SPOCK1: variants seen among roughly 807,000 people sequenced by gnomAD.
The protein encoded by SPOCK1 is testican-1.
Under a neutral mutation model 55.3 loss-of-function variants are expected in SPOCK1, and 23 were observed. That is an observed-to-expected ratio of 0.42 (90% CI 0.30 to 0.59). The LOEUF (loss-of-function observed/expected upper bound fraction) is 0.59, where lower values mean the gene tolerates loss of function less well. Among genes scored for constraint, SPOCK1 ranks in the 20% least tolerant of loss-of-function variants. SPOCK1 has a pLI of 0.22. For missense variants in SPOCK1, 499 were observed against 552.5 expected (o/e 0.90, Z 0.97); for synonymous variants, 226 against 221.0 (o/e 1.02, Z -0.20).
intron 4 of SPOCK1, among the ~76,000 whole-genome samples, chr5:137,136,287 T>C (rs1753984737): frequency 1.3e-5 from 2 of 152,158 alleles, no homozygotes; most frequent in African/African-American, 4.8e-5. Context: ...TAGTATGTTA[T>C]ATAATGATTA....
chr5:137,000,378 G>A (rs1751126407), intron 6 of SPOCK1, among the ~76,000 whole-genome samples: 1 of 152,176 alleles, frequency 6.6e-6, no homozygotes, highest in Non-Finnish European at 1.5e-5. Context: ...GCAAACACAA[G>A]GGTGCCTTCC....
At chr5:137,369,801 G>A (rs1228925615) in intron 2 of SPOCK1, among the ~76,000 whole-genome samples, 1 of 152,150 alleles carries the variant, frequency 6.6e-6, no homozygotes, top group Non-Finnish European at 1.5e-5. Flanking sequence ...GAGGAAGCAA[G>A]GTCTCTGATG....
intron 6 of SPOCK1, among the ~76,000 whole-genome samples, chr5:137,064,906 C>T (rs1042000384): frequency 6.6e-6 from 1 of 152,146 alleles, no homozygotes; most frequent in South Asian, 2.1e-4. Context: ...GTGTTCTTAT[C>T]CTGTAGGAAA....
intron 2 of SPOCK1, among the ~76,000 whole-genome samples, chr5:137,406,992 T>G (rs12153707): frequency 0.022 from 3,389 of 152,268 alleles, 65 homozygotes; most frequent in Non-Finnish European, 0.033. Flanking sequence ...GGCCAAAAAG[T>G]AAGTGAGTGG....
intron 3 of SPOCK1, among the ~76,000 whole-genome samples, chr5:137,246,881 C>T (rs1164492784): frequency 6.6e-6 from 1 of 152,222 alleles, no homozygotes; most frequent in Non-Finnish European, 1.5e-5. Context: ...GCTTCTGCTA[C>T]ACTGGTTCTT....
At chr5:137,232,532 G>A (rs568215405) in intron 3 of SPOCK1, among the ~76,000 whole-genome samples, 19 of 152,248 alleles carry the variant, frequency 1.2e-4, no homozygotes, top group Admixed American at 5.2e-4. Flanking sequence ...TCTGTTTCAC[G>A]GATCCATGTG....
At chr5:137,097,676 T>C (rs1753179452) in intron 5 of SPOCK1, among the ~76,000 whole-genome samples, 1 of 152,232 alleles carries the variant, frequency 6.6e-6, no homozygotes, top group East Asian at 1.9e-4. Context: ...TCACAGTCTA[T>C]GTAAGAGTCT....
chr5:137,327,849 G>A (rs183979953), intron 2 of SPOCK1, among the ~76,000 whole-genome samples: 1 of 152,172 alleles, frequency 6.6e-6, no homozygotes, highest in South Asian at 2.1e-4. Context: ...GTTCTAGAGT[G>A]GGCCTTCCTA....
chr5:137,366,422 A>C (rs1053404690), intron 2 of SPOCK1, among the ~76,000 whole-genome samples: 1 of 152,196 alleles, frequency 6.6e-6, no homozygotes, highest in Non-Finnish European at 1.5e-5. Context: ...AAACCCTAGG[A>C]GGCAAGTGTT....
At chr5:137,112,034 T>C (rs921290182) in intron 5 of SPOCK1, among the ~76,000 whole-genome samples, 2 of 152,134 alleles carry the variant, frequency 1.3e-5, no homozygotes, top group African/African-American at 4.8e-5. Context: ...TGCACTGATG[T>C]CACACCCCTT....
At chr5:137,361,367 C>G (rs1750939203) in intron 2 of SPOCK1, among the ~76,000 whole-genome samples, 1 of 152,166 alleles carries the variant, frequency 6.6e-6, no homozygotes, top group African/African-American at 2.4e-5. Context: ...GAGATAAGGT[C>G]TAATTTACTC....
chr5:137,442,577 C>G (rs879524343), intron 2 of SPOCK1, among the ~76,000 whole-genome samples: 1 of 152,108 alleles, frequency 6.6e-6, no homozygotes, highest in Non-Finnish European at 1.5e-5. Context: ...CCATAAATGT[C>G]AGATTCAGGT....
chr5:137,094,889 C>T (rs1007564667), intron 5 of SPOCK1, among the ~76,000 whole-genome samples: 1 of 152,228 alleles, frequency 6.6e-6, no homozygotes, highest in African/African-American at 2.4e-5. Flanking sequence ...TTTCAATATG[C>T]CTTTGTCGCT....
chr5:137,225,755 G>T (rs1755933458), intron 3 of SPOCK1, among the ~76,000 whole-genome samples: 1 of 152,204 alleles, frequency 6.6e-6, no homozygotes, highest in Non-Finnish European at 1.5e-5. Flanking sequence ...TGCAAAATTT[G>T]CATGTCTAAT....
chr5:137,382,030 A>C (rs867287466), intron 2 of SPOCK1, among the ~76,000 whole-genome samples: 2 of 152,238 alleles, frequency 1.3e-5, no homozygotes, highest in African/African-American at 4.8e-5. Context: ...ATACATTTAG[A>C]AACAACCAGG....
chr5:137,015,065 A>C (rs1751425440), intron 6 of SPOCK1, among the ~76,000 whole-genome samples: 1 of 152,192 alleles, frequency 6.6e-6, no homozygotes, highest in South Asian at 2.1e-4. Context: ...TTTTGCCAAG[A>C]GGTGGCTTAA....
At chr5:137,481,926 T>A (rs1561547097) in intron 2 of SPOCK1, among the ~76,000 whole-genome samples, 1 of 151,862 alleles carries the variant, frequency 6.6e-6, no homozygotes, top group East Asian at 1.9e-4. Flanking sequence ...TGCTCAGGAG[T>A]TACATTGGCA....
intron 3 of SPOCK1, among the ~76,000 whole-genome samples, chr5:137,256,434 G>A (rs1342346553): frequency 6.6e-6 from 1 of 152,162 alleles, no homozygotes; most frequent in Non-Finnish European, 1.5e-5. Context: ...GGCTGCATCT[G>A]GTGAGGGCCT....
At chr5:137,315,070 C>T (rs1005707832) in intron 2 of SPOCK1, among the ~76,000 whole-genome samples, 1 of 152,182 alleles carries the variant, frequency 6.6e-6, no homozygotes, top group Admixed American at 6.5e-5. Flanking sequence ...GTCTGCTTAC[C>T]CCTGCCAATC....
Sources: gnomAD v4.1 joint callset for allele counts (sites outside exome capture counted in the v4.1 genomes callset) on GRCh38, gnomAD v4.1.1 for gene constraint, MANE v1.5 for transcripts, NCBI Gene and HGNC (gene_info 2026-07-23, HGNC 2026-07-21) for gene names.